TMPRSS11F: variants seen among roughly 807,000 people sequenced by gnomAD.
TMPRSS11F encodes the protein transmembrane protease serine 11F.
TMPRSS11F carries 47 observed loss-of-function variants against 60.2 expected under a neutral mutation model. That is an observed-to-expected ratio of 0.78 (90% CI 0.62 to 1.00). TMPRSS11F has a LOEUF of 1.00. Among genes scored for constraint, TMPRSS11F ranks in the 50% least tolerant of loss-of-function variants. The pLI is 0.00. For missense variants in TMPRSS11F, 519 were observed against 522.9 expected, an observed-to-expected ratio of 0.99 and a Z score of 0.07; for synonymous variants, 166 against 167.3, an observed-to-expected ratio of 0.99 and a Z score of 0.06.
Position 68,069,841 on chromosome 4 carries a change from TGTTC to T in TMPRSS11F, c.553+124_553+127del, listed in dbSNP as rs144601170. On this transcript the variant is annotated intron_variant, in intron 6 of 9. Transcript: ENST00000356291. ...TGCTAAAAATAATAAAAAGACTAAGTGTTCGGTTTACAAAAATATAAAATGAGTC... is the reference window on the plus strand; with the variant it reads ...TGCTAAAAATAATAAAAAGACTAAGTGGTTTACAAAAATATAAAATGAGTC... 964 of 613,748 alleles carry T rather than the reference TGTTC, an allele frequency of 1.6e-3. 9 individuals carry two copies. The African/African-American group carries it at 0.017, about 11-fold the overall frequency. The allele number at this position is 613,748 out of a possible 1,614,324, so 38.0% of individuals were successfully genotyped here.
Position 68,068,556 on chromosome 4 carries a change from G to A in TMPRSS11F, c.755+62C>T, listed in dbSNP as rs562372145. The A allele has an allele frequency of 5.8e-4, 821 of 1,414,924 alleles. 4 individuals are homozygous for A. The South Asian group carries it at 8.6e-3, about 15-fold the overall frequency. 87.6% of individuals were successfully genotyped at this position (1,414,924 alleles called of 1,614,324 possible). A position where few individuals can be genotyped will look rare whatever the true frequency, so the allele number is the denominator to read the frequency against. ...TGGAGAGACTGGACTCTTCTGATGC[G>A]CTAAATCAGTGGCAGATGAGGACTG... On this transcript the variant is annotated intron_variant, in intron 7 of 9. Coordinates refer to ENST00000356291, the MANE Select transcript of TMPRSS11F (RefSeq NM_207407.2).
intron 8 of TMPRSS11F, among the ~76,000 whole-genome samples, chr4:68,059,798 C>G (rs1258931964): frequency 6.6e-6 from 1 of 152,136 alleles, no homozygotes; most frequent in East Asian, 1.9e-4. Context: ...TCTTGTCCAA[C>G]TGCCACATTC....
At chr4:68,106,605 A>T (rs949311013) in intron 1 of TMPRSS11F, among the ~76,000 whole-genome samples, 20 of 151,984 alleles carry the variant, frequency 1.3e-4, no homozygotes, top group Admixed American at 5.2e-4. Context: ...CTGCGGGGGG[A>T]GGGGTTACAA....
At chr4:68,096,605 C>T (rs1177023815) in intron 2 of TMPRSS11F, among the ~76,000 whole-genome samples, 1 of 152,100 alleles carries the variant, frequency 6.6e-6, no homozygotes, top group Admixed American at 6.5e-5. Context: ...ATAAATCAAC[C>T]ATATTCAAAA....
intron 1 of TMPRSS11F, among the ~76,000 whole-genome samples, chr4:68,118,597 A>G (rs769647974): frequency 7.9e-5 from 12 of 152,202 alleles, no homozygotes; most frequent in Non-Finnish European, 1.2e-4. Context: ...AGTAATTCTG[A>G]GATTTCTTAA....
At position 68,072,404 on chromosome 4, in the gene TMPRSS11F, T is replaced by G; in HGVS notation, c.433A>C (p.Lys145Gln). The G allele has an allele frequency of 6.2e-7, 1 of 1,601,104 alleles. No homozygotes were observed. The highest frequency in any genetic ancestry group is 8.5e-7 in the Non-Finnish European group (1 of 1,172,344). Residue 145 changes from lysine (K) to glutamine (Q), a missense_variant, in exon 5 of 10, where the codon AAA becomes CAA. Physicochemically the swap from Lys to Gln is moderately conservative, Grantham distance 53. Transcript: ENST00000356291. Reference protein sequence around the residue: ...STDSAEQIKKKIEKALYQSLK... With the variant: ...STDSAEQIKKQIEKALYQSLK... ...CTTTGATATAAAGCCTTTTCAATTTTTTTCTTGATTTGTTCAGCACTATCA... is the reference window on the plus strand; with the variant it reads ...CTTTGATATAAAGCCTTTTCAATTTGTTTCTTGATTTGTTCAGCACTATCA...
At chr4:68,103,475 ATG>A (rs1205839127) in intron 1 of TMPRSS11F, among the ~76,000 whole-genome samples, 1 of 151,468 alleles carries the variant, frequency 6.6e-6, no homozygotes, top group African/African-American at 2.4e-5. Context: ...AGTTGACCAT[ATG>A]TGTTTGGATT....
chr4:68,066,450 T>G lies in TMPRSS11F; in HGVS notation c.756-1506A>C, dbSNP rs1354115064. On this transcript the variant is annotated intron_variant, in intron 7 of 9. Coordinates refer to ENST00000356291, the MANE Select transcript of TMPRSS11F (RefSeq NM_207407.2). ...TAAGACCCAGAAGTTCGGTGATTTG[T>G]GCAGGTAAGTGACACTCTGCTGGTT... Among the ~76,000 whole-genome samples the G allele has an allele frequency of 2.0e-5, 3 of 152,302 alleles. No individual in the cohort carries two copies. In the East Asian group the frequency reaches 5.8e-4, roughly 29 times the overall value.
Position 68,053,290 on chromosome 4 carries a change from C to T in TMPRSS11F, c.*619G>A, listed in dbSNP as rs1722979840. The T allele has an allele frequency of 6.6e-6, 1 of 152,496 alleles. No individual in the cohort carries two copies. The highest frequency in any genetic ancestry group is 2.4e-5 in the African/African-American group (1 of 41,426). The allele number at this position is 152,496 out of a possible 1,614,324, so 9.4% of individuals were successfully genotyped here. A position where few individuals can be genotyped will look rare whatever the true frequency, so the allele number is the denominator to read the frequency against. On this transcript the variant is annotated 3_prime_UTR_variant, in exon 10 of 10. Transcript: ENST00000356291. ...GCTTCTTAACAACACAACATGCTTC[C>T]TGAAGCTAGTGCTTGAGTTATAACA...
At chr4:68,079,374 T>A (rs2109853394) in intron 3 of TMPRSS11F, among the ~76,000 whole-genome samples, 1 of 152,172 alleles carries the variant, frequency 6.6e-6, no homozygotes, top group Admixed American at 6.5e-5. Flanking sequence ...GAAGCAGATG[T>A]TAAAGTTGGT....
At position 68,064,672 on chromosome 4, in the gene TMPRSS11F, T is replaced by G; in HGVS notation, c.1015+13A>C. 6.2e-7 allele frequency: 1 copy of G among 1,610,914 alleles called. No individual in the cohort carries two copies. Among genetic ancestry groups the G allele is most frequent in the Non-Finnish European group, 8.5e-7 (1 of 1,178,264 alleles). On this transcript the variant is annotated intron_variant, in intron 8 of 9. Coordinates refer to ENST00000356291, the MANE Select transcript of TMPRSS11F (RefSeq NM_207407.2). ...CATTCTTGTGCTAAGAAAATTAGGT[T>G]GAAACTGCTCACCATCATCTACAAT...
intron 5 of TMPRSS11F, among the ~76,000 whole-genome samples, chr4:68,070,891 A>G (rs144301269): frequency 1.5e-4 from 23 of 152,336 alleles, no homozygotes; most frequent in African/African-American, 5.5e-4. Context: ...AAATACATGT[A>G]TGTGGCAGAA....
chr4:68,073,262 T>C (rs1723517074), intron 4 of TMPRSS11F, among the ~76,000 whole-genome samples: 2 of 152,200 alleles, frequency 1.3e-5, no homozygotes, highest in Admixed American at 1.3e-4. Flanking sequence ...TGTTAATAGA[T>C]AAATGATTAA....
chr4:68,067,368 A>G (rs114079362), intron 7 of TMPRSS11F, among the ~76,000 whole-genome samples: 2,444 of 152,354 alleles, frequency 0.016, 73 homozygotes, highest in African/African-American at 0.056. Context: ...TCAATGGGCA[A>G]TTCCCATGTA....
In TMPRSS11F at chr4:68,104,608, G is replaced by A. The variant is rs904607020; in HGVS notation, c.12-5570C>T. Among the ~76,000 whole-genome samples the A allele has an allele frequency of 7.2e-5, 11 of 152,292 alleles. No homozygotes were observed. In the South Asian group the frequency reaches 8.3e-4, roughly 11 times the overall value. On this transcript the variant is annotated intron_variant, in intron 1 of 9. Coordinates refer to ENST00000356291, the MANE Select transcript of TMPRSS11F (RefSeq NM_207407.2). ...GCTCCCCAGCCCTGCAGAACTGTGA[G>A]TCAATTACACCTCTTCCCCTTATAA...
intron 1 of TMPRSS11F, among the ~76,000 whole-genome samples, chr4:68,100,043 C>CAAAA (rs75779257): frequency 1.2e-4 from 11 of 88,524 alleles, no homozygotes; most frequent in African/African-American, 4.7e-4. Context: ...CTCACCAGGT[C>CAAAA]AAAAAAAAAA....
chr4:68,129,777 G>A (rs1441455204), intron 1 of TMPRSS11F, 33 bp downstream of exon 1: 5 of 1,609,616 alleles, frequency 3.1e-6, no homozygotes, highest in Non-Finnish European at 4.2e-6. Context: ...TGTCCCCACT[G>A]ATAACCTTTA....
At chr4:68,082,467 C>T (rs1330136619) in intron 3 of TMPRSS11F, among the ~76,000 whole-genome samples, 2 of 152,226 alleles carry the variant, frequency 1.3e-5, no homozygotes, top group African/African-American at 4.8e-5. Flanking sequence ...GCAGTGCTGC[C>T]TTTCTCATGA....
At chr4:68,088,658 G>A (rs550757334) in intron 3 of TMPRSS11F, among the ~76,000 whole-genome samples, 7 of 152,188 alleles carry the variant, frequency 4.6e-5, no homozygotes, top group Admixed American at 2.6e-4. Flanking sequence ...GCTCTCCTCA[G>A]GAAATGTAAA....
Sources: allele counts gnomAD v4.1 joint callset (sites outside exome capture counted in the v4.1 genomes callset), GRCh38; gene constraint gnomAD v4.1.1; transcripts MANE v1.5; gene names NCBI Gene and HGNC (gene_info 2026-07-23, HGNC 2026-07-21).